ATG16L1: variants seen among roughly 807,000 people sequenced by gnomAD.
ATG16L1 encodes the protein autophagy related 16 like 1.
ATG16L1 carries 37 observed loss-of-function variants against 88.5 expected under a neutral mutation model. The ratio of observed to expected loss-of-function variants is 0.42; its 90% CI spans 0.32 to 0.55. ATG16L1 has a LOEUF of 0.55. Ranked by LOEUF, ATG16L1 falls within the 20% of genes least tolerant of loss-of-function variation. The pLI is 0.13. For missense variants in ATG16L1, 554 were observed against 752.8 expected, an observed-to-expected ratio of 0.74 and a Z score of 3.09; for synonymous variants, 301 against 281.0, an observed-to-expected ratio of 1.07 and a Z score of -0.71.
intron 5 of ATG16L1, 121 bp from the exon 6 acceptor site, chr2:233,269,881 G>T (rs543710577): frequency 5.6e-5 from 51 of 912,100 alleles, no homozygotes; most frequent in Non-Finnish European, 7.9e-5. Context: ...TTTGCTCAGG[G>T]TAGTTGTTAT....
At position 233,292,405 on chromosome 2, in the gene ATG16L1, C is replaced by T. The variant is rs145317550; in HGVS notation, c.1599C>T (p.Cys533=). ...GTTTCAGTGCACCTGGGTTCAAGTG[C>T]GGCTCTGACTGGACCAGAGTTGTCT... is the stretch of plus-strand genomic sequence containing the variant. ...KQTFSAPGFK[C]GSDWTRVVFS... The change falls in exon 16 of 18, where the codon TGC becomes TGT. Residue 533 remains cysteine, a synonymous_variant. Coordinates refer to ENST00000392017, the MANE Select transcript of ATG16L1 (RefSeq NM_030803.7). 3.3e-5 allele frequency: 54 copies of T among 1,613,106 alleles called. No individual in the cohort carries two copies. Among genetic ancestry groups the T allele is most frequent in the Non-Finnish European group, 4.2e-5 (49 of 1,179,982 alleles).
intron 16 of ATG16L1, 93 bp downstream of exon 16, chr2:233,292,527 C>T (rs1699529832): frequency 1.3e-6 from 2 of 1,484,582 alleles, no homozygotes; most frequent in African/African-American, 2.8e-5. Flanking sequence ...AAATTTTGTT[C>T]AGTGCCCAAC....
At chr2:233,283,481 A>G (rs922841673) in intron 12 of ATG16L1, among the ~76,000 whole-genome samples, 2 of 151,782 alleles carry the variant, frequency 1.3e-5, no homozygotes, top group African/African-American at 4.8e-5. Context: ...ATTTTTTTTT[A>G]AAAAGTTAAC....
intron 8 of ATG16L1, 187 bp downstream of exon 8, chr2:233,273,964 G>A (rs528429008): frequency 3.0e-5 from 46 of 1,550,274 alleles, no homozygotes; most frequent in East Asian, 4.9e-5. Context: ...ATCTCGCTGC[G>A]TGCTGATCTC....
At chr2:233,289,408 T>TGTGTGTGTGTGTGTGTGTGTGA (rs144316394) in intron 12 of ATG16L1, among the ~76,000 whole-genome samples, 14 of 149,652 alleles carry the variant, frequency 9.4e-5, no homozygotes, top group East Asian at 2.0e-4. Context: ...TGTGTGTGTG[T>TGTGTGTGTGTGTGTGTGTGTGA]GACAGGATCT....
chr2:233,275,129 G>A (rs1406684069), intron 9 of ATG16L1, among the ~76,000 whole-genome samples: 1 of 152,176 alleles, frequency 6.6e-6, no homozygotes, highest in Non-Finnish European at 1.5e-5. Context: ...AGTCAGTGGT[G>A]TATTATGGAA....
At chr2:233,259,388 G>A (rs1697041227) in intron 2 of ATG16L1, among the ~76,000 whole-genome samples, 1 of 152,204 alleles carries the variant, frequency 6.6e-6, no homozygotes, top group Non-Finnish European at 1.5e-5. Context: ...CACAGGCCCA[G>A]TTGAAGGGTT....
intron 12 of ATG16L1, among the ~76,000 whole-genome samples, chr2:233,286,878 G>T (rs1699125374): frequency 6.6e-6 from 1 of 151,740 alleles, no homozygotes; most frequent in Non-Finnish European, 1.5e-5. Flanking sequence ...GCTCACCTCG[G>T]CCTCCCAAAG....
Position 233,264,080 on chromosome 2 carries a change from C to G in ATG16L1, c.389+15C>G. ...AATGAAGCAAAGTGAGTAGAGACCC[C>G]GCCTCCTTGGAGCCTGGTCATTGGG... On this transcript the variant is annotated intron_variant, in intron 4 of 17. Coordinates refer to ENST00000392017, the MANE Select transcript of ATG16L1 (RefSeq NM_030803.7). 1.2e-6 allele frequency: 2 copies of G among 1,613,564 alleles called. No individual in the cohort carries two copies. Among genetic ancestry groups the G allele is most frequent in the Non-Finnish European group, 1.7e-6 (2 of 1,179,618 alleles).
chr2:233,263,680 C>G (rs1308786938), intron 3 of ATG16L1, among the ~76,000 whole-genome samples: 1 of 152,178 alleles, frequency 6.6e-6, no homozygotes, highest in Non-Finnish European at 1.5e-5. Context: ...ATACAGTTCA[C>G]CATCAGTACA....
At chr2:233,278,444 C>G (rs540038235) in intron 10 of ATG16L1, among the ~76,000 whole-genome samples, 1 of 152,192 alleles carries the variant, frequency 6.6e-6, no homozygotes, top group Admixed American at 6.5e-5. Flanking sequence ...TTATCCCTGT[C>G]GAGCAATAAA....
At chr2:233,287,566 G>T (rs1386450683) in intron 12 of ATG16L1, among the ~76,000 whole-genome samples, 1 of 152,168 alleles carries the variant, frequency 6.6e-6, no homozygotes, top group East Asian at 1.9e-4. Flanking sequence ...TTGAAATTTT[G>T]ATAAAATAGT....
At chr2:233,269,411 C>T (rs977281797) in intron 5 of ATG16L1, among the ~76,000 whole-genome samples, 1 of 152,098 alleles carries the variant, frequency 6.6e-6, no homozygotes. Context: ...CCACAATGCT[C>T]CAGAATCTGA....
At position 233,257,219 on chromosome 2, in the gene ATG16L1, C is replaced by T. The variant is rs370266396; in HGVS notation, c.209+1024C>T. On this transcript the variant is annotated intron_variant, in intron 2 of 17. Coordinates refer to ENST00000392017, the MANE Select transcript of ATG16L1 (RefSeq NM_030803.7). ...TAATTTTTTGTATTTCTGGTAGAGA[C>T]GGGGTTTCACCGTGTTAGCCAGGAT... 1.5e-4 allele frequency among the ~76,000 whole-genome samples: 23 copies of T among 152,144 alleles called. No homozygotes were observed. In the East Asian group the frequency reaches 3.1e-3, roughly 20 times the overall value.
intron 14 of ATG16L1, 118 bp from the exon 15 acceptor site, chr2:233,292,010 A>G: frequency 1.7e-6 from 2 of 1,202,528 alleles, no homozygotes; most frequent in African/African-American, 3.0e-5. Context: ...GAACACATTG[A>G]CTGCGCTGGC....
In ATG16L1 at chr2:233,288,591, C is replaced by G. The variant is rs144694947; in HGVS notation, c.1204-1263C>G. 36 of 368,966 alleles carry G rather than the reference C, an allele frequency of 9.8e-5. No individual in the cohort carries two copies. In the East Asian group the frequency reaches 1.9e-3, roughly 19 times the overall value. 22.9% of individuals were successfully genotyped at this position (368,966 alleles called of 1,614,324 possible). A position where few individuals can be genotyped will look rare whatever the true frequency, so the allele number is the denominator to read the frequency against. ...GCCACTTTGCCAACCCTTGCATTTT[C>G]TAATTAGAAAGAAAACATCAGTGAA... On this transcript the variant is annotated intron_variant, in intron 12 of 17. Coordinates refer to ENST00000392017, the MANE Select transcript of ATG16L1 (RefSeq NM_030803.7).
chr2:233,292,506 G>T (rs1699528423), intron 16 of ATG16L1, 72 bp downstream of exon 16: 4 of 1,593,328 alleles, frequency 2.5e-6, no homozygotes, highest in Non-Finnish European at 3.4e-6. Flanking sequence ...TCCCACTGGG[G>T]ATATAGAGCT....
Position 233,277,568 on chromosome 2 carries a change from G to C in ATG16L1, c.955G>C (p.Asp319His). The C allele has an allele frequency of 6.2e-7, 1 of 1,613,872 alleles. No homozygotes were observed. The highest frequency in any genetic ancestry group is 8.5e-7 in the Non-Finnish European group (1 of 1,179,806). The change falls in exon 10 of 18, where the codon GAT (aspartate) becomes CAT (histidine). Residue 319 changes from aspartate to histidine, a missense_variant and splice_region_variant. Physicochemically the swap from Asp to His is moderately conservative, Grantham distance 81. This residue lies in a region of ATG16L1 where 370 missense variants were observed against 509.7 expected (regional missense o/e 0.73). Coordinates refer to ENST00000392017, the MANE Select transcript of ATG16L1 (RefSeq NM_030803.7). ...RVPATALCVF[D>H]AHDGEVNAVQ... ...TTGACACAGGGTGCTTGTCTTGCAGGATGCACATGATGGGGAAGTCAACGC... is the reference window on the plus strand; with the variant it reads ...TTGACACAGGGTGCTTGTCTTGCAGCATGCACATGATGGGGAAGTCAACGC...
rs1343540903 is a variant in ATG16L1 at position 233,251,684 on chromosome 2, G to C, written c.-144G>C. On this transcript the variant is annotated 5_prime_UTR_variant, in exon 1 of 18. Coordinates refer to ENST00000392017, the MANE Select transcript of ATG16L1 (RefSeq NM_030803.7). ...CGGCATGAGCCGGAAGACCGTCCCG[G>C]ATGGCCTCGGGGACTGCCAGTGTGT... 1.4e-6 allele frequency: 1 copy of C among 690,694 alleles called. No homozygotes were observed. Among genetic ancestry groups the C allele is most frequent in the South Asian group, 1.7e-5 (1 of 59,808 alleles). 42.8% of individuals were successfully genotyped at this position (690,694 alleles called of 1,614,324 possible).
Sources: allele counts gnomAD v4.1 joint callset (sites outside exome capture counted in the v4.1 genomes callset), GRCh38; gene constraint gnomAD v4.1.1; regional missense constraint gnomAD v4.1.1; transcripts MANE v1.5; gene names NCBI Gene and HGNC (gene_info 2026-07-23, HGNC 2026-07-21).